Variants in COG6 observed in about 807,000 individuals in gnomAD.
The protein encoded by COG6 is component of oligomeric golgi complex 6, also known as conserved oligomeric Golgi complex subunit 6.
In COG6, 74 loss-of-function variants were observed where a neutral mutation model predicts 88.8. That is an observed-to-expected ratio of 0.83 (90% CI 0.69 to 1.01). The LOEUF is 1.01. COG6 is among the 50% of genes least tolerant of loss of function. COG6 has a pLI of 0.00. For missense variants in COG6, 800 were observed against 797.9 expected, an observed-to-expected ratio of 1.00 and a Z score of -0.03; for synonymous variants, 286 against 278.7, an observed-to-expected ratio of 1.03 and a Z score of -0.26.
chr13:39,706,479 C>T (rs907572116), intron 13 of COG6, among the ~76,000 whole-genome samples: 1 of 151,362 alleles, frequency 6.6e-6, no homozygotes, highest in Non-Finnish European at 1.5e-5. Context: ...GTTGTAGGAA[C>T]AGCTTTTGGA....
intron 18 of COG6, 38 bp downstream of exon 18, chr13:39,727,586 A>G: frequency 7.2e-7 from 1 of 1,387,014 alleles, no homozygotes; most frequent in Non-Finnish European, 1.0e-6. Context: ...GTAAAGATTC[A>G]CATATTTTTA....
At chr13:39,749,252 A>G (rs1880500211) in intron 18 of COG6, among the ~76,000 whole-genome samples, 1 of 152,244 alleles carries the variant, frequency 6.6e-6, no homozygotes, top group Non-Finnish European at 1.5e-5. Flanking sequence ...CTTTTTCTCC[A>G]TCAAGCATTC....
chr13:39,727,660 A>G, intron 18 of COG6, 112 bp downstream of exon 18: 2 of 836,138 alleles, frequency 2.4e-6, no homozygotes, highest in Non-Finnish European at 4.1e-6. Flanking sequence ...ACCATTGAAA[A>G]TCTATAGTTC....
At chr13:39,706,522 A>G (rs1488073552) in intron 13 of COG6, among the ~76,000 whole-genome samples, 1 of 151,814 alleles carries the variant, frequency 6.6e-6, no homozygotes, top group Non-Finnish European at 1.5e-5. Context: ...ATTTTTCTCT[A>G]GTAAAAGTCA....
At chr13:39,719,523 A>C in intron 14 of COG6, 137 bp from the exon 15 acceptor site, 12 of 1,173,786 alleles carry the variant, frequency 1.0e-5, no homozygotes, top group Non-Finnish European at 1.4e-5. Context: ...CTTAAAAAGC[A>C]TTGATTTATG....
downstream of COG6, among the ~76,000 whole-genome samples, chr13:39,754,754 A>G (rs147482100): frequency 1.8e-4 from 28 of 152,288 alleles, no homozygotes; most frequent in African/African-American, 6.7e-4. Flanking sequence ...TAACCAAATT[A>G]TGTGTTTCCC....
At chr13:39,757,809 T>C (rs1297272035) in intron 18 of COG6, among the ~76,000 whole-genome samples, 1 of 152,144 alleles carries the variant, frequency 6.6e-6, no homozygotes, top group African/African-American at 2.4e-5. Flanking sequence ...GTGAATTGCT[T>C]CCCTGGTGAA....
chr13:39,773,479 T>C (rs1329062774), intron 18 of COG6, among the ~76,000 whole-genome samples: 1 of 152,228 alleles, frequency 6.6e-6, no homozygotes, highest in African/African-American at 2.4e-5. Context: ...GCTGCGTATG[T>C]TTTACCTCTG....
intron 18 of COG6, among the ~76,000 whole-genome samples, chr13:39,750,127 G>A (rs148699557): frequency 6.6e-6 from 1 of 152,250 alleles, no homozygotes; most frequent in Non-Finnish European, 1.5e-5. Context: ...TTTTATTTTA[G>A]TTTTTGTAAA....
exon 19 of COG6, chr13:39,788,562 A>T: frequency 1.7e-6 from 1 of 589,366 alleles, no homozygotes; most frequent in Non-Finnish European, 3.1e-6. Flanking sequence ...TACTCTTCAG[A>T]ATAATGCGGA....
intron 13 of COG6, among the ~76,000 whole-genome samples, chr13:39,716,345 A>G (rs942489336): frequency 2.6e-5 from 4 of 151,992 alleles, no homozygotes; most frequent in Non-Finnish European, 5.9e-5. Flanking sequence ...TTTGCAACGT[A>G]TATCTTTTTA....
At position 39,762,791 on chromosome 13, in the gene COG6, G is replaced by T. The variant is rs553099824; in HGVS notation, c.1827-25544G>T. Among the ~76,000 whole-genome samples, 27 of 127,472 alleles carry T rather than the reference G, an allele frequency of 2.1e-4. No homozygotes were observed. In the South Asian group the frequency reaches 6.8e-3, roughly 32 times the overall value. 83.6% of individuals were successfully genotyped at this position (127,472 alleles called of 152,430 possible). A position where few individuals can be genotyped will look rare whatever the true frequency, so the allele number is the denominator to read the frequency against. On this transcript the variant is annotated intron_variant, in intron 18 of 18. Coordinates refer to the COG6 transcript ENST00000416691. ...TTTTTTTTTTTTCTTTGAAGCCTATGTACCCTTTATTTCTTTTTCTTTTCT... is the reference window on the plus strand; with the variant it reads ...TTTTTTTTTTTTCTTTGAAGCCTATTTACCCTTTATTTCTTTTTCTTTTCT...
At chr13:39,698,105 C>T (rs970444035) in intron 12 of COG6, among the ~76,000 whole-genome samples, 1 of 151,508 alleles carries the variant, frequency 6.6e-6, no homozygotes, top group Non-Finnish European at 1.5e-5. Context: ...GTTACTGGAA[C>T]ATAATGAGTG....
chr13:39,728,346 G>T (rs1188256310), intron 18 of COG6, among the ~76,000 whole-genome samples: 3 of 152,144 alleles, frequency 2.0e-5, no homozygotes, highest in Non-Finnish European at 2.9e-5. Flanking sequence ...ATGTTATAGA[G>T]GTGATATACT....
chr13:39,725,929 T>A (rs999564630), intron 17 of COG6, among the ~76,000 whole-genome samples: 6 of 151,938 alleles, frequency 3.9e-5, no homozygotes, highest in African/African-American at 1.4e-4. Context: ...AAATATATGT[T>A]CCCTTCCTCT....
intron 18 of COG6, among the ~76,000 whole-genome samples, chr13:39,741,222 G>A (rs1052171434): frequency 3.9e-5 from 6 of 152,034 alleles, no homozygotes; most frequent in African/African-American, 1.2e-4. Flanking sequence ...ACAGCTCCTC[G>A]CCAGCAATGG....
chr13:39,675,894 TTAAGG>T (rs1875936732), intron 4 of COG6, among the ~76,000 whole-genome samples: 1 of 152,204 alleles, frequency 6.6e-6, no homozygotes, highest in South Asian at 2.1e-4. Context: ...ACAAAACCTG[TTAAGG>T]TAACTCTTTA....
At chr13:39,772,271 G>T (rs1881339635) in intron 18 of COG6, among the ~76,000 whole-genome samples, 1 of 152,150 alleles carries the variant, frequency 6.6e-6, no homozygotes, top group Non-Finnish European at 1.5e-5. Context: ...ACCCACTGAT[G>T]ACTCTCCTAC....
chr13:39,736,423 T>C (rs1879747502), intron 18 of COG6, among the ~76,000 whole-genome samples: 1 of 152,196 alleles, frequency 6.6e-6, no homozygotes, highest in Non-Finnish European at 1.5e-5. Context: ...CCAGGCGCAG[T>C]GTCTCACGCC....
Sources: gnomAD v4.1 joint callset for allele counts (sites outside exome capture counted in the v4.1 genomes callset) on GRCh38, gnomAD v4.1.1 for gene constraint, MANE v1.5 for transcripts, NCBI Gene and HGNC (gene_info 2026-07-23, HGNC 2026-07-21) for gene names.